Variants in NEBL observed in about 807,000 individuals in gnomAD.
NEBL encodes the protein LIM and SH3 protein 2.
Under a neutral mutation model 140.2 loss-of-function variants are expected in NEBL, and 122 were observed. The ratio of observed to expected loss-of-function variants is 0.87; its 90% CI spans 0.75 to 1.01. The LOEUF is 1.01. NEBL is among the 50% of genes least tolerant of loss of function. The pLI, the probability that NEBL is intolerant of heterozygous loss-of-function variation, is 0.00. For missense variants in NEBL, 1,365 were observed against 1,231.3 expected (o/e 1.11, Z -1.62); for synonymous variants, 436 against 398.9 (o/e 1.09, Z -1.11).
intron 1 of NEBL, among the ~76,000 whole-genome samples, chr10:21,268,606 C>T (rs183570260): frequency 1.3e-5 from 2 of 150,540 alleles, no homozygotes; most frequent in Non-Finnish European, 3.0e-5. Context: ...TCACTGCAAC[C>T]TCTGCCTCCC....
chr10:20,849,276 G>A (rs920330341), intron 11 of NEBL, among the ~76,000 whole-genome samples: 4 of 152,064 alleles, frequency 2.6e-5, no homozygotes, highest in Non-Finnish European at 5.9e-5. Flanking sequence ...GGGGAATATC[G>A]AGATGTTACT....
intron 19 of NEBL, among the ~76,000 whole-genome samples, chr10:20,822,532 T>C (rs1282587540): frequency 6.6e-6 from 1 of 151,564 alleles, no homozygotes; most frequent in African/African-American, 2.4e-5. Flanking sequence ...TCTATATAGA[T>C]AGGTAGTAGT....
At chr10:20,922,449 A>T (rs933734911) in intron 4 of NEBL, among the ~76,000 whole-genome samples, 4 of 152,174 alleles carry the variant, frequency 2.6e-5, no homozygotes, top group African/African-American at 9.7e-5. Flanking sequence ...CCTCCCTCCT[A>T]TACCAAAAAG....
chr10:21,110,693 A>T (rs760816527), intron 2 of NEBL: 6 of 486,852 alleles, frequency 1.2e-5, no homozygotes, highest in Non-Finnish European at 2.4e-5. Flanking sequence ...TGGAAGGCTC[A>T]GTGGACATGG....
chr10:21,015,221 G>A (rs1208174762), intron 3 of NEBL, among the ~76,000 whole-genome samples: 4 of 152,138 alleles, frequency 2.6e-5, no homozygotes, highest in Admixed American at 1.3e-4. Flanking sequence ...CTGGGGGTGG[G>A]AAGATGAGGA....
At chr10:21,046,024 C>CAT (rs1554820941) in intron 2 of NEBL, among the ~76,000 whole-genome samples, 1 of 151,646 alleles carries the variant, frequency 6.6e-6, no homozygotes. Context: ...CACACACACA[C>CAT]GTGTGTGCAC....
At chr10:20,892,714 G>A (rs1390176660) in intron 2 of NEBL, among the ~76,000 whole-genome samples, 3 of 152,124 alleles carry the variant, frequency 2.0e-5, no homozygotes, top group East Asian at 1.9e-4. Flanking sequence ...GTGCAGGGTC[G>A]CTTCCTCCTC....
At chr10:20,852,946 C>T (rs941260410) in intron 9 of NEBL, among the ~76,000 whole-genome samples, 1 of 152,148 alleles carries the variant, frequency 6.6e-6, no homozygotes, top group Non-Finnish European at 1.5e-5. Context: ...AAAGCTAGCG[C>T]TAGGACATGC....
chr10:21,110,502 T>A (rs1056870592), intron 2 of NEBL, among the ~76,000 whole-genome samples: 1 of 152,204 alleles, frequency 6.6e-6, no homozygotes, highest in African/African-American at 2.4e-5. Flanking sequence ...ATTTCTGTCA[T>A]CCCTGGTATT....
chr10:21,000,045 T>C (rs1402975214), intron 3 of NEBL, among the ~76,000 whole-genome samples: 1 of 151,694 alleles, frequency 6.6e-6, no homozygotes, highest in Non-Finnish European at 1.5e-5. Flanking sequence ...AAAATTAAGC[T>C]TTCACTGCTG....
intron 3 of NEBL, among the ~76,000 whole-genome samples, chr10:21,190,664 T>A (rs1281252778): frequency 6.6e-6 from 1 of 152,202 alleles, no homozygotes; most frequent in East Asian, 1.9e-4. Context: ...ATAATCTGCT[T>A]ATACCAAACA....
intron 2 of NEBL, among the ~76,000 whole-genome samples, chr10:21,138,016 T>A (rs901164151): frequency 6.6e-6 from 1 of 151,562 alleles, no homozygotes. Context: ...GAGCCCAGCA[T>A]GCTGCGAATG....
chr10:20,954,773 C>T (rs1386725137), intron 4 of NEBL, among the ~76,000 whole-genome samples: 1 of 152,158 alleles, frequency 6.6e-6, no homozygotes, highest in Non-Finnish European at 1.5e-5. Flanking sequence ...CCCTAGTGGG[C>T]AGGCTGGTTG....
At chr10:21,120,680 CAAAAAAAAAAAAA>C (rs66476160) in intron 2 of NEBL, among the ~76,000 whole-genome samples, 1 of 71,236 alleles carries the variant, frequency 1.4e-5, no homozygotes, top group African/African-American at 5.3e-5. Flanking sequence ...TTCATGACAG[CAAAAAAAAAAAAA>C]AAAAAAAAAA....
At chr10:20,946,966 AACTG>A (rs200086494) in intron 4 of NEBL, among the ~76,000 whole-genome samples, 1,979 of 152,248 alleles carry the variant, frequency 0.013, 29 homozygotes, top group East Asian at 0.045. Context: ...GATCCCCAGA[AACTG>A]ACTGACTCCA....
At chr10:21,025,340 T>C (rs934591508) in intron 2 of NEBL, among the ~76,000 whole-genome samples, 4 of 152,198 alleles carry the variant, frequency 2.6e-5, no homozygotes, top group African/African-American at 9.6e-5. Context: ...CTGAAGTGTG[T>C]GTATCAAGAC....
At chr10:20,953,107 G>A (rs1835585651) in intron 4 of NEBL, among the ~76,000 whole-genome samples, 1 of 152,034 alleles carries the variant, frequency 6.6e-6, no homozygotes, top group Non-Finnish European at 1.5e-5. Context: ...GCCCTGGTAT[G>A]GACTGAACTG....
intron 2 of NEBL, among the ~76,000 whole-genome samples, chr10:21,159,206 T>C (rs966181815): frequency 6.6e-6 from 1 of 152,212 alleles, no homozygotes; most frequent in South Asian, 2.1e-4. Context: ...TCTATCTCAC[T>C]TGAGCCACCT....
chr10:21,172,252 G>C, intron 2 of NEBL: 1 of 734,254 alleles, frequency 1.4e-6, no homozygotes, highest in Non-Finnish European at 2.5e-6. Context: ...CAGAGTCTGT[G>C]ATATAAACAG....
Sources: gnomAD v4.1 joint callset for allele counts (sites outside exome capture counted in the v4.1 genomes callset) on GRCh38, gnomAD v4.1.1 for gene constraint, MANE v1.5 for transcripts, NCBI Gene and HGNC (gene_info 2026-07-23, HGNC 2026-07-21) for gene names.